TAOK1: variants seen among roughly 807,000 people sequenced by gnomAD.
TAOK1 encodes the protein serine/threonine-protein kinase TAO1.
In TAOK1, 21 loss-of-function variants were observed where a neutral mutation model predicts 138.3. The observed-to-expected ratio is 0.15, with a 90% CI of 0.11 to 0.22. The LOEUF (loss-of-function observed/expected upper bound fraction) is 0.22. Ranked by LOEUF, TAOK1 falls within the 10% of genes least tolerant of loss-of-function variation. The pLI, the probability that TAOK1 is intolerant of heterozygous loss-of-function variation, is 1.00. For synonymous variants in TAOK1, 361 were observed against 398.4 expected, an observed-to-expected ratio of 0.91 and a Z score of 1.12; for missense variants, 651 against 1,227.7, an observed-to-expected ratio of 0.53 and a Z score of 7.02.
chr17:29,522,495 T>G lies in TAOK1; in HGVS notation c.2124T>G (p.Val708=). Residue 708 remains valine (V), a synonymous_variant, in exon 17 of 20, where the codon GTT becomes GTG. Transcript: ENST00000261716. ...TAAGACGAAAGCATGTCATGGAAGT[T>G]CGACAACAGCCTAAGAGTTTGAAGG... The part of the protein sequence containing the change: ...RELRRKHVME[V]RQQPKSLKSK... 1 of 1,614,180 alleles carries G rather than the reference T, an allele frequency of 6.2e-7. No homozygotes were observed. The highest frequency in any genetic ancestry group is 8.5e-7 in the Non-Finnish European group (1 of 1,180,040).
chr17:29,448,473 C>T (rs1024981888), intron 1 of TAOK1, among the ~76,000 whole-genome samples: 3 of 152,120 alleles, frequency 2.0e-5, no homozygotes, highest in African/African-American at 7.2e-5. Flanking sequence ...CCAAGATAGA[C>T]ATACATGGGT....
intron 11 of TAOK1, among the ~76,000 whole-genome samples, chr17:29,497,881 C>T (rs1241458488): frequency 1.3e-5 from 2 of 150,784 alleles, no homozygotes; most frequent in Non-Finnish European, 2.9e-5. Context: ...AGCAGGGCTA[C>T]GCCGTAGGCA....
At chr17:29,506,259 T>C (rs1014361570) in intron 13 of TAOK1, among the ~76,000 whole-genome samples, 8 of 152,176 alleles carry the variant, frequency 5.3e-5, no homozygotes, top group African/African-American at 1.9e-4. Flanking sequence ...GTAGCATATA[T>C]ACACAATGGA....
intron 12 of TAOK1, among the ~76,000 whole-genome samples, chr17:29,498,817 T>C (rs943982950): frequency 2.0e-5 from 3 of 151,896 alleles, no homozygotes; most frequent in Non-Finnish European, 2.9e-5. Context: ...TCCCACCTAC[T>C]TGGGAGGTTG....
Position 29,542,734 on chromosome 17 carries a change from A to G in TAOK1, c.2718A>G (p.Gly906=). The G allele has an allele frequency of 6.2e-7, 1 of 1,614,152 alleles. No individual in the cohort carries two copies. The highest frequency in any genetic ancestry group is 8.5e-7 in the Non-Finnish European group (1 of 1,180,014). Residue 906 remains glycine, a synonymous_variant, in exon 20 of 20, where the codon GGA becomes GGG. Transcript: ENST00000261716. ...SPEAFSHSYP[G]ASGWSHNPTG... Reference sequence around the variant, plus strand: ...AGGCATTCAGCCACAGCTACCCGGGAGCTTCTGGTTGGTCACACAACCCTA... The same window carrying G: ...AGGCATTCAGCCACAGCTACCCGGGGGCTTCTGGTTGGTCACACAACCCTA...
intron 8 of TAOK1, among the ~76,000 whole-genome samples, chr17:29,482,669 G>A (rs1404750362): frequency 6.6e-6 from 1 of 151,400 alleles, no homozygotes; most frequent in South Asian, 2.1e-4. Context: ...TTTTTAATTA[G>A]GGATGAAATT....
intron 2 of TAOK1, among the ~76,000 whole-genome samples, chr17:29,457,446 C>T (rs1464106112): frequency 8.4e-6 from 1 of 118,714 alleles, no homozygotes; most frequent in East Asian, 3.0e-4. Flanking sequence ...GGCTCTGTAA[C>T]CTAGGCTGGA....
chr17:29,464,918 T>G (rs2030622680), intron 2 of TAOK1, among the ~76,000 whole-genome samples: 1 of 151,082 alleles, frequency 6.6e-6, no homozygotes, highest in African/African-American at 2.4e-5. Flanking sequence ...CCTTCTGGGT[T>G]CAAGCGATTC....
At chr17:29,469,380 T>C (rs1370019091) in intron 3 of TAOK1, among the ~76,000 whole-genome samples, 1 of 152,198 alleles carries the variant, frequency 6.6e-6, no homozygotes, top group Non-Finnish European at 1.5e-5. Flanking sequence ...TTCAGTGGAA[T>C]TAAGTGCATT....
chr17:29,509,524 GA>G, intron 14 of TAOK1, among the ~76,000 whole-genome samples: 1 of 152,066 alleles, frequency 6.6e-6, no homozygotes, highest in South Asian at 2.1e-4. Context: ...AATAGCTTGG[GA>G]AAAGGCGATA....
At chr17:29,418,433 G>A (rs1359096104) in intron 1 of TAOK1, among the ~76,000 whole-genome samples, 2 of 151,882 alleles carry the variant, frequency 1.3e-5, no homozygotes, top group African/African-American at 2.4e-5. Flanking sequence ...TCCAACTCCT[G>A]ACCTCAAGTG....
chr17:29,442,438 G>T (rs1376932492), intron 1 of TAOK1, among the ~76,000 whole-genome samples: 1 of 148,650 alleles, frequency 6.7e-6, no homozygotes, highest in African/African-American at 2.5e-5. Context: ...AGTTCTGCTA[G>T]CATATTTTTG....
Position 29,548,234 on chromosome 17 carries a change from C to A in TAOK1, c.*5212C>A, listed in dbSNP as rs1302101383. On this transcript the variant is annotated 3_prime_UTR_variant, in exon 20 of 20. Coordinates refer to ENST00000261716, the MANE Select transcript of TAOK1 (RefSeq NM_020791.4). ...CATAAGAAATATATAAATTAGTATG[C>A]ACCTTATCTGCCTGTTGTGGGTTTC... 6.6e-6 allele frequency: 1 copy of A among 152,052 alleles called. No homozygotes were observed. Among genetic ancestry groups the A allele is most frequent in the Non-Finnish European group, 1.5e-5 (1 of 67,980 alleles). 9.4% of individuals were successfully genotyped at this position (152,052 alleles called of 1,614,324 possible). A position where few individuals can be genotyped will look rare whatever the true frequency, so the allele number is the denominator to read the frequency against.
At chr17:29,489,621 C>T in intron 8 of TAOK1, 43 bp from the exon 9 acceptor site, 2 of 1,356,314 alleles carry the variant, frequency 1.5e-6, no homozygotes, top group Admixed American at 4.2e-5. Flanking sequence ...ACTTGAGTAC[C>T]CCTGGAACCT....
Position 29,542,552 on chromosome 17 carries a change from C to T in TAOK1, c.2545-9C>T. On this transcript the variant is annotated splice_polypyrimidine_tract_variant and intron_variant, in intron 19 of 19. Coordinates refer to ENST00000261716, the MANE Select transcript of TAOK1 (RefSeq NM_020791.4). ...AATTGGCTTTCATTTTTCTTCCAAT[C>T]TCCAACAGATTGAAGAAGAGATGTT... 1.3e-6 allele frequency: 2 copies of T among 1,566,870 alleles called. No homozygotes were observed. Among genetic ancestry groups the T allele is most frequent in the Non-Finnish European group, 8.6e-7 (1 of 1,156,922 alleles).
chr17:29,497,714 C>CAAA (rs373537264), intron 11 of TAOK1, among the ~76,000 whole-genome samples: 6 of 100,716 alleles, frequency 6.0e-5, no homozygotes, highest in African/African-American at 1.9e-4. Flanking sequence ...TATTGAAATA[C>CAAA]AAAAAAAAAA....
chr17:29,523,281 A>G (rs533336017), intron 17 of TAOK1, among the ~76,000 whole-genome samples: 5 of 142,330 alleles, frequency 3.5e-5, no homozygotes, highest in Non-Finnish European at 7.9e-5. Context: ...TACTAGTTAG[A>G]AAAAAAAAAA....
At position 29,522,315 on chromosome 17, in the gene TAOK1, G is replaced by A. The variant is rs2031934070; in HGVS notation, c.1944G>A (p.Glu648=). Residue 648 remains glutamate (E), a synonymous_variant, in exon 17 of 20, where the codon GAG becomes GAA. Transcript: ENST00000261716. The part of the protein sequence containing the change: ...LNKRQTQKDL[E]HAMLLRQHES... ...AAAGACAGACTCAGAAGGACTTAGA[G>A]CATGCCATGCTACTCCGACAGCATG... 1 of 1,614,180 alleles carries A rather than the reference G, an allele frequency of 6.2e-7. No individual in the cohort carries two copies. The highest frequency in any genetic ancestry group is 1.3e-5 in the African/African-American group (1 of 75,056).
In TAOK1 at chr17:29,522,432, T is replaced by C. The variant is rs1212753210; in HGVS notation, c.2061T>C (p.Thr687=). ...LIRLQHQTEL[T]NQLEYNKRRE... ...GATTACAGCATCAAACTGAGCTCAC[T>C]AACCAGCTGGAATATAATAAGCGAA... The change falls in exon 17 of 20, where the codon ACT becomes ACC. Residue 687 remains threonine (T), a synonymous_variant. Transcript: ENST00000261716. 2 of 1,614,122 alleles carry C rather than the reference T, an allele frequency of 1.2e-6. No individual in the cohort carries two copies. Among genetic ancestry groups the C allele is most frequent in the South Asian group, 1.1e-5 (1 of 91,084 alleles).
Sources: gnomAD v4.1 joint callset for allele counts (sites outside exome capture counted in the v4.1 genomes callset) on GRCh38, gnomAD v4.1.1 for gene constraint, MANE v1.5 for transcripts, NCBI Gene and HGNC (gene_info 2026-07-23, HGNC 2026-07-21) for gene names.